CD82: variants seen among roughly 807,000 people sequenced by gnomAD.
CD82 encodes CD82 molecule.
CD82 carries 36 observed loss-of-function variants against 37.4 expected under a neutral mutation model. That is an observed-to-expected ratio of 0.96 (90% CI 0.74 to 1.27). The LOEUF (loss-of-function observed/expected upper bound fraction) is 1.27. CD82 is among the 50% of genes most tolerant of loss of function. The probability of loss-of-function intolerance (pLI) is 0.00; values close to 1 mark genes in which losing one functional copy is unlikely to be tolerated. For missense variants in CD82, 340 were observed against 347.0 expected (o/e 0.98, Z 0.16); for synonymous variants, 158 against 137.4 (o/e 1.15, Z -1.05).
At chr11:44,590,055 G>A (rs374858187) in intron 2 of CD82, among the ~76,000 whole-genome samples, 14 of 151,230 alleles carry the variant, frequency 9.3e-5, no homozygotes, top group African/African-American at 2.9e-4. Flanking sequence ...GGATGGTCTC[G>A]ATCTCCTCAC....
chr11:44,595,908 C>CA (rs71449886), intron 3 of CD82, among the ~76,000 whole-genome samples: 9,666 of 69,446 alleles, frequency 0.14, 1,116 homozygotes, highest in African/African-American at 0.31. Flanking sequence ...TGTTTCTCTA[C>CA]AAAAAAAAAA....
chr11:44,575,836 C>A (rs917082241), intron 1 of CD82, among the ~76,000 whole-genome samples: 1 of 152,196 alleles, frequency 6.6e-6, no homozygotes, highest in East Asian at 1.9e-4. Context: ...TTATCAGCAT[C>A]CCCGTTTTAC....
At chr11:44,605,235 G>A in intron 5 of CD82, 53 bp downstream of exon 5, 2 of 1,607,742 alleles carry the variant, frequency 1.2e-6, no homozygotes, top group Non-Finnish European at 1.7e-6. Flanking sequence ...ATCCAGCCGA[G>A]TGCAGCCTGA....
At chr11:44,583,039 G>T (rs1431235915) in intron 1 of CD82, among the ~76,000 whole-genome samples, 1 of 152,182 alleles carries the variant, frequency 6.6e-6, no homozygotes, top group Non-Finnish European at 1.5e-5. Flanking sequence ...TTTCTTCTCT[G>T]GGCATCAGTC....
chr11:44,571,668 G>A (rs1392951425), intron 1 of CD82, among the ~76,000 whole-genome samples: 1 of 152,002 alleles, frequency 6.6e-6, no homozygotes, highest in African/African-American at 2.4e-5. Flanking sequence ...TCCACCTCCC[G>A]GGTTCAAGTG....
At chr11:44,565,006 T>G (rs1852706913), upstream of CD82, among the ~76,000 whole-genome samples, 1 of 152,232 alleles carries the variant, frequency 6.6e-6, no homozygotes, top group East Asian at 1.9e-4. Flanking sequence ...TGGTAGTCAG[T>G]ATTTTCAAAA....
chr11:44,612,691 G>A (rs1465790007), intron 6 of CD82, among the ~76,000 whole-genome samples: 2 of 132,600 alleles, frequency 1.5e-5, no homozygotes, highest in Non-Finnish European at 3.1e-5. Flanking sequence ...GGAGTGCAGT[G>A]GCGTGATCTC....
intron 1 of CD82, among the ~76,000 whole-genome samples, chr11:44,585,953 G>A (rs989983726): frequency 6.6e-6 from 1 of 152,200 alleles, no homozygotes; most frequent in African/African-American, 2.4e-5. Flanking sequence ...TTGAAAGATG[G>A]TGCAGGGAGC....
chr11:44,608,456 G>A (rs1046644403), intron 6 of CD82, among the ~76,000 whole-genome samples: 1 of 152,204 alleles, frequency 6.6e-6, no homozygotes, highest in Non-Finnish European at 1.5e-5. Flanking sequence ...TACCACTCAG[G>A]TTGAAGTGAA....
intron 4 of CD82, among the ~76,000 whole-genome samples, chr11:44,601,048 C>G (rs1174028591): frequency 6.6e-6 from 1 of 152,168 alleles, no homozygotes; most frequent in East Asian, 1.9e-4. Context: ...TCGGCCTCCT[C>G]CAGGAAGCCG....
chr11:44,608,906 T>TAACA (rs1391969362), intron 6 of CD82, among the ~76,000 whole-genome samples: 2 of 152,364 alleles, frequency 1.3e-5, no homozygotes, highest in East Asian at 3.9e-4. Flanking sequence ...TGAAGAGCAC[T>TAACA]AACAAACGGG....
At chr11:44,588,464 C>T (rs888305272) in intron 2 of CD82, among the ~76,000 whole-genome samples, 3 of 152,102 alleles carry the variant, frequency 2.0e-5, no homozygotes, top group African/African-American at 4.8e-5. Context: ...CCTCGTGATC[C>T]GCCCGCCTCG....
intron 7 of CD82, among the ~76,000 whole-genome samples, chr11:44,616,568 T>G (rs1590352478): frequency 6.6e-6 from 1 of 152,088 alleles, no homozygotes; most frequent in Non-Finnish European, 1.5e-5. Context: ...CGGTGGTAAG[T>G]CAGACTCCCA....
At position 44,593,538 on chromosome 11, in the gene CD82, C is replaced by G. The variant is rs568021981; in HGVS notation, c.-20-1105C>G. 9.2e-5 allele frequency among the ~76,000 whole-genome samples: 14 copies of G among 152,322 alleles called. No homozygotes were observed. In the South Asian group the frequency reaches 2.7e-3, roughly 29 times the overall value. On this transcript the variant is annotated intron_variant, in intron 2 of 9. Transcript: ENST00000227155. ...CCAGCTTCCCTCTTCCTCCCGGGGC[C>G]CTCCCCTCACCTGGGGTCTTTTGGA...
chr11:44,617,334 G>A (rs1284629013), intron 7 of CD82, among the ~76,000 whole-genome samples: 4 of 152,076 alleles, frequency 2.6e-5, no homozygotes, highest in Non-Finnish European at 4.4e-5. Context: ...CGAGGCGGGC[G>A]GATCACTTGA....
chr11:44,609,179 T>G (rs1853444070), intron 6 of CD82, among the ~76,000 whole-genome samples: 2 of 152,162 alleles, frequency 1.3e-5, no homozygotes, highest in African/African-American at 4.8e-5. Context: ...TGTGTTTTAG[T>G]GTGGGCTCTG....
At chr11:44,580,390 C>G (rs1852963026) in intron 1 of CD82, among the ~76,000 whole-genome samples, 1 of 152,116 alleles carries the variant, frequency 6.6e-6, no homozygotes, top group African/African-American at 2.4e-5. Context: ...GCCCATTGGA[C>G]AGATGAAGGA....
rs150907073 is a variant in CD82, at chr11:44,582,231, C to T, written c.-102-5244C>T. 2.0e-4 allele frequency among the ~76,000 whole-genome samples: 30 copies of T among 152,302 alleles called. No individual in the cohort carries two copies. The East Asian group carries it at 5.0e-3, about 25-fold the overall frequency. On this transcript the variant is annotated intron_variant, in intron 1 of 9. Transcript: ENST00000227155. ...AGATAAGATCAGTGAAGCAACACTC[C>T]CATTGTGGATGCTCTCATGAATGTT...
At chr11:44,572,367 AT>A (rs1301238515) in intron 1 of CD82, among the ~76,000 whole-genome samples, 1 of 152,194 alleles carries the variant, frequency 6.6e-6, no homozygotes. Context: ...GTGAGCCCAT[AT>A]TTTTTTATGC....
Sources: allele counts gnomAD v4.1 joint callset (sites outside exome capture counted in the v4.1 genomes callset), GRCh38; gene constraint gnomAD v4.1.1; transcripts MANE v1.5; gene names NCBI Gene and HGNC (gene_info 2026-07-23, HGNC 2026-07-21).